Variants in ARHGAP26 observed in about 807,000 individuals in gnomAD.
ARHGAP26 encodes rho GTPase-activating protein 26.
ARHGAP26 carries 38 observed loss-of-function variants against 104.8 expected under a neutral mutation model. The observed-to-expected ratio is 0.36, with a 90% CI of 0.28 to 0.48. The LOEUF (loss-of-function observed/expected upper bound fraction) is 0.48, where lower values mean the gene tolerates loss of function less well. ARHGAP26 is among the 20% of genes least tolerant of loss of function. The probability of loss-of-function intolerance (pLI) is 0.99; values close to 1 mark genes in which losing one functional copy is unlikely to be tolerated. For missense variants in ARHGAP26, 704 were observed against 947.9 expected (o/e 0.74, Z 3.38); for synonymous variants, 341 against 340.0 (o/e 1.00, Z -0.03).
chr5:142,910,491 G>A (rs1411407467), intron 9 of ARHGAP26, among the ~76,000 whole-genome samples: 1 of 152,234 alleles, frequency 6.6e-6, no homozygotes, highest in East Asian at 1.9e-4. Context: ...GTTAATCCCA[G>A]CACTTGGGAG....
intron 17 of ARHGAP26, among the ~76,000 whole-genome samples, chr5:143,061,557 C>T (rs1786711965): frequency 6.6e-6 from 1 of 152,166 alleles, no homozygotes. Context: ...TCCTTTGTTG[C>T]AGGGGCATTG....
At chr5:142,942,953 G>T (rs1766591526) in intron 11 of ARHGAP26, among the ~76,000 whole-genome samples, 1 of 152,196 alleles carries the variant, frequency 6.6e-6, no homozygotes, top group South Asian at 2.1e-4. Context: ...CTAATCTTTT[G>T]TATTTTTAGG....
At chr5:142,938,047 A>G (rs1242204622) in intron 11 of ARHGAP26, among the ~76,000 whole-genome samples, 2 of 152,184 alleles carry the variant, frequency 1.3e-5, no homozygotes, top group Non-Finnish European at 2.9e-5. Context: ...TCCTACATAC[A>G]CACAGATGAA....
chr5:143,018,288 A>G (rs1050993549), intron 12 of ARHGAP26, among the ~76,000 whole-genome samples: 4 of 152,140 alleles, frequency 2.6e-5, no homozygotes, highest in African/African-American at 9.7e-5. Flanking sequence ...TCATCTTGTC[A>G]TCTGTCTGTT....
intron 1 of ARHGAP26, among the ~76,000 whole-genome samples, chr5:142,800,758 G>A (rs903843226): frequency 2.7e-4 from 41 of 152,284 alleles, no homozygotes; most frequent in Admixed American, 2.6e-4. Context: ...AACTATTCTC[G>A]TGAACCTGGC....
intron 20 of ARHGAP26, among the ~76,000 whole-genome samples, chr5:143,201,500 T>G (rs562117296): frequency 6.6e-6 from 1 of 152,296 alleles, no homozygotes; most frequent in Non-Finnish European, 1.5e-5. Context: ...TTGGGTTTGG[T>G]GAGGGGCAGG....
intron 20 of ARHGAP26, among the ~76,000 whole-genome samples, chr5:143,173,639 G>A (rs980240239): frequency 5.9e-5 from 9 of 152,178 alleles, no homozygotes; most frequent in Non-Finnish European, 1.0e-4. Flanking sequence ...GCCGGTAGCA[G>A]CCTCAGAAAG....
In ARHGAP26 at chr5:143,127,493, A is replaced by G. The variant is rs561323602; in HGVS notation, c.1698+6346A>G. On this transcript the variant is annotated intron_variant, in intron 18 of 22. Coordinates refer to ENST00000645722, the MANE Select transcript of ARHGAP26 (RefSeq NM_001135608.3). The stretch of plus-strand genomic sequence containing the variant: ...ATCATTGAGCTGTTAATTCTCAGAA[A>G]TCCCCAAAGATCGGTGCCCCTTTTT... Among the ~76,000 whole-genome samples, 16 of 152,318 alleles carry G rather than the reference A, an allele frequency of 1.1e-4. No homozygotes were observed. The South Asian group carries it at 3.3e-3, about 32-fold the overall frequency.
intron 17 of ARHGAP26, among the ~76,000 whole-genome samples, chr5:143,060,076 A>G (rs913381328): frequency 6.6e-6 from 1 of 152,230 alleles, no homozygotes; most frequent in African/African-American, 2.4e-5. Context: ...TCCTTATTTT[A>G]AAATCAAGCA....
At position 142,902,039 on chromosome 5, in the gene ARHGAP26, C is replaced by G; in HGVS notation, c.702C>G (p.Asn234Lys). 1 of 1,612,386 alleles carries G rather than the reference C, an allele frequency of 6.2e-7. No individual in the cohort carries two copies. The highest frequency in any genetic ancestry group is 8.5e-7 in the Non-Finnish European group (1 of 1,178,624). The change falls in exon 7 of 23, where the codon AAC (asparagine) becomes AAG (lysine). Residue 234 changes from asparagine (N) to lysine (K), a missense_variant and splice_region_variant. Transcript: ENST00000645722. Reference sequence around the variant, plus strand: ...CACAGTTAACCATTAGCATACAGAACGTGAGTGGGCATAGGGACAGGCTTC... The same window carrying G: ...CACAGTTAACCATTAGCATACAGAAGGTGAGTGGGCATAGGGACAGGCTTC... ...FKTQLTISIQ[N>K]TRNRFEGTRS...
At chr5:142,921,099 A>G (rs1598249927) in intron 10 of ARHGAP26, among the ~76,000 whole-genome samples, 1 of 152,190 alleles carries the variant, frequency 6.6e-6, no homozygotes, top group Non-Finnish European at 1.5e-5. Flanking sequence ...CAAGCTTTCC[A>G]TGAATAGGTA....
At chr5:143,222,203 G>A (rs1055047969) in intron 22 of ARHGAP26, among the ~76,000 whole-genome samples, 155 bp from the exon 23 acceptor site, 2 of 151,720 alleles carry the variant, frequency 1.3e-5, no homozygotes, top group African/African-American at 4.8e-5. Flanking sequence ...CTAGAATGAT[G>A]TAACTTAATA....
At chr5:142,774,953 A>G (rs1487856620) in intron 1 of ARHGAP26, among the ~76,000 whole-genome samples, 2 of 152,060 alleles carry the variant, frequency 1.3e-5, no homozygotes, top group African/African-American at 4.8e-5. Context: ...TCTGTTATCT[A>G]GATGTGCCAT....
At chr5:142,922,716 CTGTG>C (rs1172581633) in intron 10 of ARHGAP26, among the ~76,000 whole-genome samples, 1 of 152,176 alleles carries the variant, frequency 6.6e-6, no homozygotes, top group Non-Finnish European at 1.5e-5. Flanking sequence ...TTTCACTGTC[CTGTG>C]TGTGCTGAGA....
At chr5:142,915,695 C>G (rs536649148) in intron 10 of ARHGAP26, 2 of 152,110 alleles carry the variant, frequency 1.3e-5, no homozygotes, top group Non-Finnish European at 2.9e-5. Flanking sequence ...GTAAGTAGAC[C>G]GTCCTAGGAA....
chr5:142,975,116 G>A (rs755361939), intron 11 of ARHGAP26, among the ~76,000 whole-genome samples: 21 of 152,122 alleles, frequency 1.4e-4, no homozygotes, highest in Non-Finnish European at 2.6e-4. Flanking sequence ...TGGGGTGGTC[G>A]AGGAGGGGAG....
intron 11 of ARHGAP26, among the ~76,000 whole-genome samples, chr5:142,942,436 C>T (rs996205425): frequency 6.6e-6 from 1 of 152,146 alleles, no homozygotes; most frequent in Admixed American, 6.5e-5. Flanking sequence ...GGTGTGATAA[C>T]TTCTGTAAGT....
At position 142,770,700 on chromosome 5, in the gene ARHGAP26, T is replaced by G. The variant is rs1755019010; in HGVS notation, c.-62T>G. ...CCGGGGTCCCGCCGCGTGAGTGCTCTGGGCGGCGGGCGGCCCGGGCCCCGG... is the reference window on the plus strand; with the variant it reads ...CCGGGGTCCCGCCGCGTGAGTGCTCGGGGCGGCGGGCGGCCCGGGCCCCGG... On this transcript the variant is annotated 5_prime_UTR_variant, in exon 1 of 23. Transcript: ENST00000645722. 2.8e-6 allele frequency: 3 copies of G among 1,086,898 alleles called. No individual in the cohort carries two copies. The highest frequency in any genetic ancestry group is 3.4e-6 in the Non-Finnish European group (3 of 890,076). The allele number at this position is 1,086,898 out of a possible 1,614,324, so 67.3% of individuals were successfully genotyped here.
intron 17 of ARHGAP26, among the ~76,000 whole-genome samples, chr5:143,078,016 A>G (rs532756680): frequency 6.6e-6 from 1 of 152,192 alleles, no homozygotes. Flanking sequence ...CCTATATTCT[A>G]CCACCATTGA....
Sources: gnomAD v4.1 joint callset for allele counts (sites outside exome capture counted in the v4.1 genomes callset) on GRCh38, gnomAD v4.1.1 for gene constraint, MANE v1.5 for transcripts, NCBI Gene and HGNC (gene_info 2026-07-23, HGNC 2026-07-21) for gene names.